EPB41L5: variants seen among roughly 807,000 people sequenced by gnomAD.
The protein encoded by EPB41L5 is erythrocyte membrane protein band 4.1 like 5.
In EPB41L5, 55 loss-of-function variants were observed where a neutral mutation model predicts 106.6. That is an observed-to-expected ratio of 0.52 (90% CI 0.42 to 0.65). The LOEUF is 0.65. Among genes scored for constraint, EPB41L5 ranks in the 30% least tolerant of loss-of-function variants. The pLI is 0.00. For missense variants in EPB41L5, 871 were observed against 882.1 expected (o/e 0.99, Z 0.16); for synonymous variants, 297 against 306.7 (o/e 0.97, Z 0.33).
chr2:120,104,759 TTAATA>T (rs1333308445), intron 16 of EPB41L5: 28 of 899,564 alleles, frequency 3.1e-5, no homozygotes, highest in Non-Finnish European at 3.7e-5. Flanking sequence ...AAGATTTTAA[TTAATA>T]TAATTTTTAA....
At chr2:120,133,740 A>G (rs908414453) in intron 18 of EPB41L5, among the ~76,000 whole-genome samples, 2 of 152,118 alleles carry the variant, frequency 1.3e-5, no homozygotes, top group African/African-American at 4.8e-5. Flanking sequence ...GAGCCAGTGG[A>G]CCTGGGGTAC....
At position 120,163,094 on chromosome 2, in the gene EPB41L5, AT is replaced by A. The variant is rs869198591; in HGVS notation, c.1888-1736del. On this transcript the variant is annotated intron_variant, in intron 21 of 24. Transcript: ENST00000263713. ...TAGGGAGACCCCGTCTCTACAAAAAATTTTTTAAAAATTAGCCAGGCATAGT... is the reference window on the plus strand; with the variant it reads ...TAGGGAGACCCCGTCTCTACAAAAAATTTTTAAAAATTAGCCAGGCATAGT... Among the ~76,000 whole-genome samples, 6 of 152,084 alleles carry A rather than the reference AT, an allele frequency of 3.9e-5. No homozygotes were observed. In the South Asian group the frequency reaches 1.2e-3, roughly 32 times the overall value.
intron 16 of EPB41L5, among the ~76,000 whole-genome samples, chr2:120,124,797 C>CT (rs1056742184): frequency 6.6e-5 from 10 of 151,596 alleles, no homozygotes; most frequent in African/African-American, 1.5e-4. Context: ...TAACGTTTGA[C>CT]TTTTTTTTAA....
At chr2:120,108,436 T>C (rs1183646525) in intron 16 of EPB41L5, 1 of 152,224 alleles carries the variant, frequency 6.6e-6, no homozygotes, top group South Asian at 2.1e-4. Flanking sequence ...TTAAGATTTG[T>C]AAGAAATTGC....
At chr2:120,139,221 C>T (rs1472235288) in intron 18 of EPB41L5, among the ~76,000 whole-genome samples, 1 of 151,822 alleles carries the variant, frequency 6.6e-6, no homozygotes, top group Admixed American at 6.6e-5. Context: ...ACTATGAAAC[C>T]ACTAAAAGAA....
At chr2:120,147,632 A>G (rs1337476718) in intron 20 of EPB41L5, among the ~76,000 whole-genome samples, 1 of 151,462 alleles carries the variant, frequency 6.6e-6, no homozygotes, top group Non-Finnish European at 1.5e-5. Context: ...CTCAAAAAAA[A>G]AAAAAAAAAA....
intron 3 of EPB41L5, among the ~76,000 whole-genome samples, chr2:120,071,515 C>A (rs1175680722): frequency 1.3e-5 from 2 of 152,210 alleles, no homozygotes; most frequent in Non-Finnish European, 2.9e-5. Context: ...ATCACGCTAC[C>A]TGACTTCAAA....
chr2:120,172,454 C>T (rs1243574971), intron 24 of EPB41L5, among the ~76,000 whole-genome samples: 7 of 152,194 alleles, frequency 4.6e-5, no homozygotes, highest in Non-Finnish European at 4.4e-5. Flanking sequence ...ACTTTACTGA[C>T]AGCTGGAGAT....
In EPB41L5 at chr2:120,145,418, G is replaced by A. The variant is rs73952051; in HGVS notation, c.1729-807G>A. On this transcript the variant is annotated intron_variant, in intron 19 of 24. Transcript: ENST00000263713. ...TGAATCTCAAAGACATCTCCATGCT[G>A]CTCTAAAGAAGCAGATGGAAAGGAT... 5.6e-3 allele frequency among the ~76,000 whole-genome samples: 851 copies of A among 152,294 alleles called. 8 individuals carry two copies. Among genetic ancestry groups the A allele is most frequent in the African/African-American group, 0.019 (804 of 41,556 alleles).
intron 20 of EPB41L5, among the ~76,000 whole-genome samples, chr2:120,149,700 A>C (rs1187693847): frequency 6.6e-6 from 1 of 152,178 alleles, no homozygotes; most frequent in Non-Finnish European, 1.5e-5. Flanking sequence ...ATAGTCATGT[A>C]CAATTTTGTG....
At chr2:120,042,517 C>T (rs954271072) in intron 3 of EPB41L5, among the ~76,000 whole-genome samples, 22 of 152,244 alleles carry the variant, frequency 1.4e-4, no homozygotes, top group African/African-American at 5.1e-4. Flanking sequence ...TAGGATATCT[C>T]TAAGTTCCCT....
chr2:120,166,906 T>C (rs944298604), intron 22 of EPB41L5, among the ~76,000 whole-genome samples: 15 of 152,218 alleles, frequency 9.9e-5, no homozygotes, highest in African/African-American at 3.6e-4. Context: ...TAATAGAAAG[T>C]TAAACATATA....
At chr2:120,041,116 C>T (rs893317162) in intron 2 of EPB41L5, among the ~76,000 whole-genome samples, 5 of 152,058 alleles carry the variant, frequency 3.3e-5, no homozygotes, top group African/African-American at 1.2e-4. Flanking sequence ...CAACAACATA[C>T]CCCTTTTATG....
intron 20 of EPB41L5, among the ~76,000 whole-genome samples, chr2:120,152,432 T>A (rs1686722206): frequency 6.6e-6 from 1 of 152,198 alleles, no homozygotes; most frequent in Non-Finnish European, 1.5e-5. Flanking sequence ...TTAGGACTTT[T>A]GTATATATAT....
At chr2:120,038,315 A>G (rs936811668) in intron 2 of EPB41L5, among the ~76,000 whole-genome samples, 1 of 152,236 alleles carries the variant, frequency 6.6e-6, no homozygotes, top group Non-Finnish European at 1.5e-5. Context: ...CAGAGCCACG[A>G]TGAGAGAGAC....
At position 120,098,126 on chromosome 2, in the gene EPB41L5, T is replaced by C. The variant is rs545385161; in HGVS notation, c.1179-2118T>C. ...ATGGGTATAATCTTTAAAATTGCCA[T>C]GGCAGTGGATCTGCACTAAATTGTT... On this transcript the variant is annotated intron_variant, in intron 14 of 24. Coordinates refer to ENST00000263713, the MANE Select transcript of EPB41L5 (RefSeq NM_020909.4). Among the ~76,000 whole-genome samples the C allele has an allele frequency of 3.5e-5, 5 of 143,050 alleles. No individual in the cohort carries two copies. In the East Asian group the frequency reaches 1.0e-3, roughly 30 times the overall value. The allele number at this position is 143,050 out of a possible 152,430, so 93.8% of individuals were successfully genotyped here. A position where few individuals can be genotyped will look rare whatever the true frequency, so the allele number is the denominator to read the frequency against.
intron 16 of EPB41L5, among the ~76,000 whole-genome samples, chr2:120,101,049 T>G (rs1684113583): frequency 6.6e-6 from 1 of 152,256 alleles, no homozygotes; most frequent in South Asian, 2.1e-4. Context: ...ACTTATTATT[T>G]ATTTGAAACA....
chr2:120,081,879 T>C (rs1221247516), intron 10 of EPB41L5, among the ~76,000 whole-genome samples: 16 of 152,174 alleles, frequency 1.1e-4, no homozygotes, highest in African/African-American at 3.1e-4. Flanking sequence ...CAATTGTGAA[T>C]GGGAGTTCAC....
intron 17 of EPB41L5, among the ~76,000 whole-genome samples, chr2:120,128,649 G>A (rs1028272482): frequency 1.3e-5 from 2 of 151,242 alleles, no homozygotes; most frequent in African/African-American, 4.9e-5. Context: ...GATAAGTGGT[G>A]CTAAAAATTT....
Sources: gnomAD v4.1 joint callset for allele counts (sites outside exome capture counted in the v4.1 genomes callset) on GRCh38, gnomAD v4.1.1 for gene constraint, MANE v1.5 for transcripts, NCBI Gene and HGNC (gene_info 2026-07-23, HGNC 2026-07-21) for gene names.